ARHGEF4: variants seen among roughly 807,000 people sequenced by gnomAD.
ARHGEF4 encodes APC-stimulated guanine nucleotide exchange factor 1.
In ARHGEF4, 119 loss-of-function variants were observed where a neutral mutation model predicts 162.0. The ratio of observed to expected loss-of-function variants is 0.73; its 90% CI spans 0.63 to 0.86. The LOEUF (loss-of-function observed/expected upper bound fraction) is 0.86. Ranked by LOEUF, ARHGEF4 falls within the 40% of genes least tolerant of loss-of-function variation. ARHGEF4 has a pLI of 0.00. For missense variants in ARHGEF4, 2,488 were observed against 2,456.0 expected (o/e 1.01, Z -0.28); for synonymous variants, 1,014 against 979.9 (o/e 1.03, Z -0.65).
In ARHGEF4 at chr2:131,046,348, C is replaced by T. The variant is rs935570792; in HGVS notation, c.*159C>T. On this transcript the variant is annotated 3_prime_UTR_variant, in exon 14 of 14. Transcript: ENST00000409359. ...ACCAAGACGTGCCAGGTCTGTACTC[C>T]TGTTGTCTTTTTCCCTGCTCCTGGT... 4.0e-6 allele frequency: 3 copies of T among 750,782 alleles called. No homozygotes were observed. Among genetic ancestry groups the T allele is most frequent in the Non-Finnish European group, 2.1e-6 (1 of 473,462 alleles). The allele number at this position is 750,782 out of a possible 1,614,324, so 46.5% of individuals were successfully genotyped here. A position where few individuals can be genotyped will look rare whatever the true frequency, so the allele number is the denominator to read the frequency against.
intron 4 of ARHGEF4, among the ~76,000 whole-genome samples, chr2:131,023,558 A>G (rs897271558): frequency 6.6e-6 from 1 of 152,266 alleles, no homozygotes; most frequent in Non-Finnish European, 1.5e-5. Flanking sequence ...ATGATGAGAT[A>G]TCACTATACA....
chr2:130,842,619 A>G (rs1241031231), intron 1 of ARHGEF4, among the ~76,000 whole-genome samples: 2 of 152,142 alleles, frequency 1.3e-5, no homozygotes, highest in African/African-American at 4.8e-5. Context: ...TCACTTGGCC[A>G]CCATTGATAA....
intron 3 of ARHGEF4, among the ~76,000 whole-genome samples, chr2:130,945,473 G>A (rs370234996): frequency 6.6e-6 from 1 of 152,050 alleles, no homozygotes; most frequent in Non-Finnish European, 1.5e-5. Flanking sequence ...GTTGCCTAGG[G>A]GAATAGGGTG....
At chr2:131,005,188 C>T (rs1354131999) in intron 4 of ARHGEF4, among the ~76,000 whole-genome samples, 3 of 152,174 alleles carry the variant, frequency 2.0e-5, no homozygotes, top group South Asian at 4.1e-4. Context: ...GGAAGCCATC[C>T]GCAGTCAGCA....
Position 131,044,357 on chromosome 2 carries a change from A to C in ARHGEF4, c.5216A>C (p.Glu1739Ala). ...YKGRLDMDGLEVVDLEDGKDR... is the reference protein window; with the variant it reads ...YKGRLDMDGLAVVDLEDGKDR... Reference sequence around the variant, plus strand: ...GGCCGGCTGGACATGGACGGCCTGGAGGTGGTGGACCTGGAGGACGGGAAG... The same window carrying C: ...GGCCGGCTGGACATGGACGGCCTGGCGGTGGTGGACCTGGAGGACGGGAAG... The change falls in exon 12 of 14, where the codon GAG (glutamate) becomes GCG (alanine). Residue 1739 changes from glutamate to alanine, a missense_variant. Coordinates refer to ENST00000409359, the MANE Select transcript of ARHGEF4 (RefSeq NM_001367493.1). The C allele has an allele frequency of 6.2e-7, 1 of 1,605,880 alleles. No homozygotes were observed. The highest frequency in any genetic ancestry group is 8.5e-7 in the Non-Finnish European group (1 of 1,176,590).
At chr2:130,849,251 C>T (rs1470051680) in intron 1 of ARHGEF4, among the ~76,000 whole-genome samples, 2 of 152,230 alleles carry the variant, frequency 1.3e-5, no homozygotes, top group Non-Finnish European at 2.9e-5. Context: ...AGCGTTGGGG[C>T]AAGAACACCG....
Position 131,040,445 on chromosome 2 carries a change from G to A in ARHGEF4, c.4662+5G>A, listed in dbSNP as rs1254631193. On this transcript the variant is annotated splice_donor_5th_base_variant and intron_variant, in intron 8 of 13. Transcript: ENST00000409359. ...GGTGCCTGCTTCCTGGAGCATGTGA[G>A]CGCGCGGCCCCCGGCCCCTACCTGG... 1.3e-6 allele frequency: 2 copies of A among 1,565,532 alleles called. No homozygotes were observed. Among genetic ancestry groups the A allele is most frequent in the Non-Finnish European group, 8.7e-7 (1 of 1,155,450 alleles).
At chr2:131,014,298 A>G (rs1421817627) in intron 4 of ARHGEF4, among the ~76,000 whole-genome samples, 1 of 152,240 alleles carries the variant, frequency 6.6e-6, no homozygotes, top group Non-Finnish European at 1.5e-5. Flanking sequence ...TTTGCCTAAC[A>G]TAACACTACC....
In ARHGEF4 at chr2:131,028,067, CA is replaced by C. The variant is rs1427958751; in HGVS notation, c.4109del (p.Gln1370ArgfsTer40). The C allele has an allele frequency of 6.2e-7, 1 of 1,613,952 alleles. No individual in the cohort carries two copies. Among genetic ancestry groups the C allele is most frequent in the South Asian group, 1.1e-5 (1 of 91,066 alleles). On this transcript the variant is annotated frameshift_variant, in exon 5 of 14. Coordinates refer to ENST00000409359, the MANE Select transcript of ARHGEF4 (RefSeq NM_001367493.1). LOFTEE classifies it high-confidence loss of function. ...CAGCCACCCTGGAGGGGGTGGGGAG[CA>C]GCTGGCTATCAATGAGGTAGGGTCA... Reference protein sequence around the residue: ...HYSHPGGGGEQLAINELISDG... With the variant: ...HYSHPGGGGEXLAINELISDG...
At chr2:130,949,993 C>T (rs1296644623) in intron 4 of ARHGEF4, among the ~76,000 whole-genome samples, 33 of 152,162 alleles carry the variant, frequency 2.2e-4, no homozygotes, top group Admixed American at 2.2e-3. Flanking sequence ...TTTATTTGCT[C>T]GTCTGTGAGG....
At chr2:130,893,877 G>T (rs1442291986) in intron 1 of ARHGEF4, among the ~76,000 whole-genome samples, 3 of 152,222 alleles carry the variant, frequency 2.0e-5, no homozygotes, top group African/African-American at 4.8e-5. Context: ...AAGATGGCAG[G>T]CTGGTCTTGT....
intron 4 of ARHGEF4, among the ~76,000 whole-genome samples, chr2:130,973,083 C>G (rs1477494673): frequency 6.6e-6 from 1 of 152,244 alleles, no homozygotes; most frequent in East Asian, 1.9e-4. Flanking sequence ...CTCTAAACAT[C>G]TGTATATTAA....
Position 130,914,417 on chromosome 2 carries a change from G to A in ARHGEF4, c.471G>A (p.Glu157=). ...RAFATVAGEQ[E]AGHLWDCATS... Reference sequence around the variant, plus strand: ...TTGCCACAGTTGCTGGAGAACAGGAGGCAGGACACCTCTGGGACTGCGCGA... The same window carrying A: ...TTGCCACAGTTGCTGGAGAACAGGAAGCAGGACACCTCTGGGACTGCGCGA... The change falls in exon 2 of 14, where the codon GAG becomes GAA. Residue 157 remains glutamate, a synonymous_variant. Transcript: ENST00000409359. 5 of 1,443,086 alleles carry A rather than the reference G, an allele frequency of 3.5e-6. No individual in the cohort carries two copies. The highest frequency in any genetic ancestry group is 4.5e-6 in the Non-Finnish European group (5 of 1,104,316). 89.4% of individuals were successfully genotyped at this position (1,443,086 alleles called of 1,614,324 possible). A position where few individuals can be genotyped will look rare whatever the true frequency, so the allele number is the denominator to read the frequency against.
chr2:131,041,758 C>T, intron 9 of ARHGEF4, 57 bp from the exon 10 acceptor site: 3 of 1,589,016 alleles, frequency 1.9e-6, no homozygotes, highest in Non-Finnish European at 8.6e-7. Context: ...TGCAGGGGAT[C>T]CTCACCCTTT....
intron 2 of ARHGEF4, 127 bp downstream of exon 2, chr2:130,917,625 C>G: frequency 8.2e-7 from 1 of 1,225,798 alleles, no homozygotes. Context: ...CCCCGTTACA[C>G]TCCCAGCCGC....
At chr2:131,045,296 G>T (rs766258574) in intron 12 of ARHGEF4, 73 bp from the exon 13 acceptor site, 550 of 1,354,374 alleles carry the variant, frequency 4.1e-4, no homozygotes, top group Non-Finnish European at 5.3e-4. Context: ...GCACCAGGAA[G>T]GTGCAGGTGT....
intron 3 of ARHGEF4, among the ~76,000 whole-genome samples, chr2:130,938,265 T>G (rs180736583): frequency 1.3e-5 from 2 of 152,342 alleles, no homozygotes; most frequent in East Asian, 3.9e-4. Flanking sequence ...TCGAGAGGGC[T>G]GTACCATTTT....
At chr2:131,031,365 A>G (rs997166903) in intron 5 of ARHGEF4, among the ~76,000 whole-genome samples, 5 of 152,226 alleles carry the variant, frequency 3.3e-5, no homozygotes, top group Non-Finnish European at 5.9e-5. Context: ...ATGAGGAGTG[A>G]TTTTTATGCT....
chr2:130,940,275 A>G (rs1283590765), intron 3 of ARHGEF4, among the ~76,000 whole-genome samples: 3 of 152,038 alleles, frequency 2.0e-5, no homozygotes, highest in Non-Finnish European at 2.9e-5. Context: ...TAGATGGAAC[A>G]TAAGGAAATA....
Sources: allele counts gnomAD v4.1 joint callset (sites outside exome capture counted in the v4.1 genomes callset), GRCh38; gene constraint gnomAD v4.1.1; transcripts MANE v1.5; gene names NCBI Gene and HGNC (gene_info 2026-07-23, HGNC 2026-07-21).